Variants in HTR4 observed in about 807,000 individuals in gnomAD.
HTR4 encodes the protein 5-hydroxytryptamine receptor 4.
Under a neutral mutation model 36.8 loss-of-function variants are expected in HTR4, and 16 were observed. That is an observed-to-expected ratio of 0.43 (90% confidence interval 0.29 to 0.66). The LOEUF is 0.66. HTR4 is among the 30% of genes least tolerant of loss of function. HTR4 has a pLI of 0.13. For missense variants in HTR4, 438 were observed against 490.9 expected (o/e 0.89, Z 1.02); for synonymous variants, 189 against 185.1 (o/e 1.02, Z -0.17).
downstream of HTR4, chr5:148,476,540 G>A (rs544990809): frequency 7.2e-7 from 1 of 1,385,534 alleles, no homozygotes; most frequent in African/African-American, 1.5e-5. Flanking sequence ...AGTACTAATG[G>A]CAGAGCAGCA....
intron 2 of HTR4, among the ~76,000 whole-genome samples, chr5:148,577,719 A>G (rs1039139646): frequency 1.3e-5 from 2 of 152,146 alleles, no homozygotes; most frequent in African/African-American, 2.4e-5. Context: ...ACCCAGCAAC[A>G]GAAAACCAAA....
chr5:148,585,245 T>C (rs1761303441), intron 2 of HTR4, among the ~76,000 whole-genome samples: 2 of 152,254 alleles, frequency 1.3e-5, no homozygotes, highest in South Asian at 4.1e-4. Flanking sequence ...TGCAATTATC[T>C]GATTATTATC....
At chr5:148,604,170 T>C (rs898184408) in intron 2 of HTR4, among the ~76,000 whole-genome samples, 1 of 152,114 alleles carries the variant, frequency 6.6e-6, no homozygotes, top group Non-Finnish European at 1.5e-5. Flanking sequence ...ATAGAAACCA[T>C]TGATAAATTA....
intron 2 of HTR4, among the ~76,000 whole-genome samples, chr5:148,610,912 G>A (rs879824270): frequency 0.013 from 1,912 of 149,814 alleles, 16 homozygotes; most frequent in Middle Eastern, 0.027. Flanking sequence ...CGATCAACTG[G>A]AAGAAAGGGT....
At chr5:148,538,202 C>A (rs888131473) in intron 4 of HTR4, among the ~76,000 whole-genome samples, 22 of 151,584 alleles carry the variant, frequency 1.5e-4, no homozygotes, top group Non-Finnish European at 3.1e-4. Flanking sequence ...TAAAAATTCT[C>A]AAAAAAAACT....
At chr5:148,598,503 G>T (rs912618064) in intron 2 of HTR4, among the ~76,000 whole-genome samples, 1 of 151,896 alleles carries the variant, frequency 6.6e-6, no homozygotes, top group Non-Finnish European at 1.5e-5. Flanking sequence ...AGTGAGCCAA[G>T]ATCTTACCAC....
downstream of HTR4, among the ~76,000 whole-genome samples, chr5:148,480,592 T>C (rs1755843821): frequency 6.6e-6 from 1 of 152,188 alleles, no homozygotes; most frequent in Non-Finnish European, 1.5e-5. Flanking sequence ...TTGGCCAGGC[T>C]CGAACTCCTG....
intron 1 of HTR4, among the ~76,000 whole-genome samples, chr5:148,641,308 G>A (rs1476022500): frequency 6.6e-6 from 1 of 152,182 alleles, no homozygotes; most frequent in Non-Finnish European, 1.5e-5. Context: ...AAGACCTGGT[G>A]TGTATGTGTT....
chr5:148,512,022 G>C (rs1483584749), intron 5 of HTR4, among the ~76,000 whole-genome samples: 1 of 152,142 alleles, frequency 6.6e-6, no homozygotes, highest in Non-Finnish European at 1.5e-5. Context: ...ACTCCTTTTG[G>C]AAAGCATGTG....
intron 2 of HTR4, among the ~76,000 whole-genome samples, chr5:148,621,047 T>A (rs1010767301): frequency 2.0e-5 from 3 of 152,166 alleles, no homozygotes; most frequent in African/African-American, 7.2e-5. Context: ...TATCCATAAA[T>A]AGGAAAGGAA....
intron 2 of HTR4, among the ~76,000 whole-genome samples, chr5:148,563,385 C>T (rs1760301007): frequency 6.6e-6 from 1 of 152,124 alleles, no homozygotes; most frequent in African/African-American, 2.4e-5. Flanking sequence ...AAAGAACCTC[C>T]CCTCACTCTC....
At chr5:148,588,094 C>T (rs995363354) in intron 2 of HTR4, among the ~76,000 whole-genome samples, 1 of 152,064 alleles carries the variant, frequency 6.6e-6, no homozygotes, top group Non-Finnish European at 1.5e-5. Context: ...ATGAAAACAC[C>T]AAGGCTCGTA....
chr5:148,546,073 T>A (rs188579451), intron 4 of HTR4, among the ~76,000 whole-genome samples: 5 of 152,254 alleles, frequency 3.3e-5, no homozygotes, highest in African/African-American at 1.2e-4. Flanking sequence ...ATTATTTAAA[T>A]GTAGGAGGCA....
chr5:148,567,599 T>C (rs1038156649), intron 2 of HTR4, among the ~76,000 whole-genome samples: 2 of 152,028 alleles, frequency 1.3e-5, no homozygotes, highest in African/African-American at 4.8e-5. Context: ...TTCTCCTCCC[T>C]CTGCTCCAGG....
At chr5:148,526,439 T>C (rs992873140) in intron 4 of HTR4, among the ~76,000 whole-genome samples, 10 of 152,300 alleles carry the variant, frequency 6.6e-5, no homozygotes, top group Admixed American at 6.5e-4. Context: ...CCTATCTTTG[T>C]TGTGTAATCA....
Position 148,554,063 on chromosome 5 carries a change from T to TTTG in HTR4, c.27-3804_27-3802dup, listed in dbSNP as rs142810948. On this transcript the variant is annotated intron_variant, in intron 2 of 6. Transcript: ENST00000377888. ...TATTTCTCTATAAAAAGGAATAAAG[T>TTTG]TTGTTGTTGTTGTTGTTGTTGTTGT... Among the ~76,000 whole-genome samples, 288 of 151,978 alleles carry TTTG rather than the reference T, an allele frequency of 1.9e-3. 1 individual carries two copies. Among genetic ancestry groups the TTTG allele is most frequent in the African/African-American group, 5.6e-3 (232 of 41,444 alleles).
At chr5:148,614,018 A>G (rs928733419) in intron 2 of HTR4, among the ~76,000 whole-genome samples, 22 of 150,992 alleles carry the variant, frequency 1.5e-4, no homozygotes, top group African/African-American at 5.3e-4. Flanking sequence ...ACCGCTGCTC[A>G]AGGAAATAAA....
intron 4 of HTR4, among the ~76,000 whole-genome samples, chr5:148,539,748 A>G (rs955487926): frequency 6.6e-6 from 1 of 152,176 alleles, no homozygotes; most frequent in Non-Finnish European, 1.5e-5. Context: ...TGAGGAAAAA[A>G]GGGAACATTT....
At chr5:148,540,609 T>A (rs1043988361) in intron 4 of HTR4, among the ~76,000 whole-genome samples, 1 of 151,692 alleles carries the variant, frequency 6.6e-6, no homozygotes, top group Non-Finnish European at 1.5e-5. Flanking sequence ...ACCTTCAATA[T>A]ACAATGTGGA....
Sources: gnomAD v4.1 joint callset for allele counts (sites outside exome capture counted in the v4.1 genomes callset) on GRCh38, gnomAD v4.1.1 for gene constraint, MANE v1.5 for transcripts, NCBI Gene and HGNC (gene_info 2026-07-23, HGNC 2026-07-21) for gene names.